The following ARHGEF26 variants were observed in gnomAD, a reference collection of about 807,000 sequenced individuals.
ARHGEF26 encodes the protein Rho guanine nucleotide exchange factor 26, also known as Rho guanine nucleotide exchange factor (GEF) 26.
A neutral mutation model predicts 89.4 loss-of-function variants in ARHGEF26; 59 were observed. The ratio of observed to expected loss-of-function variants is 0.66; its 90% CI spans 0.54 to 0.82. The LOEUF is 0.82. Ranked by LOEUF, ARHGEF26 falls within the 40% of genes least tolerant of loss-of-function variation. ARHGEF26 has a pLI of 0.00. For synonymous variants in ARHGEF26, 500 were observed against 428.4 expected, an observed-to-expected ratio of 1.17 and a Z score of -2.06; for missense variants, 1,234 against 1,085.6, an observed-to-expected ratio of 1.14 and a Z score of -1.92.
intron 11 of ARHGEF26, among the ~76,000 whole-genome samples, chr3:154,240,074 C>T (rs1238686429): frequency 6.6e-6 from 1 of 152,116 alleles, no homozygotes; most frequent in Non-Finnish European, 1.5e-5. Flanking sequence ...GACCAAGATG[C>T]ATGTAAGGAT....
At chr3:154,121,901 G>A in intron 1 of ARHGEF26, 41 bp from the exon 2 acceptor site, 1 of 1,483,224 alleles carries the variant, frequency 6.7e-7, no homozygotes, top group Non-Finnish European at 9.0e-7. Flanking sequence ...GGCGTCCCCG[G>A]TTGTCCAGAG....
chr3:154,147,325 C>T (rs150672142), intron 4 of ARHGEF26, among the ~76,000 whole-genome samples: 3,427 of 152,266 alleles, frequency 0.023, 120 homozygotes, highest in African/African-American at 0.079. Context: ...GCAGGAGAAT[C>T]GCTTGAACCC....
At chr3:154,138,437 T>A (rs530789277) in intron 4 of ARHGEF26, among the ~76,000 whole-genome samples, 1 of 152,166 alleles carries the variant, frequency 6.6e-6, no homozygotes, top group Non-Finnish European at 1.5e-5. Flanking sequence ...CTCCTAAAAA[T>A]ATAGACAGAG....
At chr3:154,167,620 A>G (rs1159284492) in intron 6 of ARHGEF26, among the ~76,000 whole-genome samples, 1 of 152,242 alleles carries the variant, frequency 6.6e-6, no homozygotes, top group Non-Finnish European at 1.5e-5. Context: ...ACATTTCTGC[A>G]CTGTAGTTAA....
chr3:154,224,960 A>G (rs1204710073), intron 10 of ARHGEF26, among the ~76,000 whole-genome samples: 1 of 151,868 alleles, frequency 6.6e-6, no homozygotes, highest in South Asian at 2.1e-4. Flanking sequence ...ATTGCATCAC[A>G]TTTCTGCATT....
chr3:154,216,518 T>TATGTC (rs1715757578), intron 9 of ARHGEF26, among the ~76,000 whole-genome samples: 1 of 144,900 alleles, frequency 6.9e-6, no homozygotes, highest in Non-Finnish European at 1.5e-5. Flanking sequence ...TATTTTTTTT[T>TATGTC]TATGTCTATA....
At chr3:154,241,229 C>A (rs971925523) in intron 12 of ARHGEF26, among the ~76,000 whole-genome samples, 1 of 152,080 alleles carries the variant, frequency 6.6e-6, no homozygotes, top group African/African-American at 2.4e-5. Context: ...GATGACTGAC[C>A]AATGTTTTTG....
At chr3:154,139,386 C>A (rs767126408) in intron 4 of ARHGEF26, among the ~76,000 whole-genome samples, 1 of 152,040 alleles carries the variant, frequency 6.6e-6, no homozygotes, top group East Asian at 1.9e-4. Context: ...ACTATGAAAT[C>A]GAATTAAATT....
chr3:154,191,458 T>G (rs755305701), intron 8 of ARHGEF26, 40 bp downstream of exon 8: 7 of 1,587,306 alleles, frequency 4.4e-6, no homozygotes, highest in Admixed American at 1.9e-5. Context: ...TGGATAGCTG[T>G]GCTTCTCTAA....
chr3:154,130,919 T>C (rs1718648434), intron 4 of ARHGEF26, among the ~76,000 whole-genome samples: 1 of 152,148 alleles, frequency 6.6e-6, no homozygotes, highest in African/African-American at 2.4e-5. Flanking sequence ...CGTGGGAATA[T>C]GTGTATGTAA....
intron 10 of ARHGEF26, among the ~76,000 whole-genome samples, chr3:154,219,855 A>G (rs1321361223): frequency 3.9e-5 from 6 of 151,992 alleles, no homozygotes; most frequent in African/African-American, 1.4e-4. Context: ...CGGAGCTTGC[A>G]GTGAGCCGAG....
intron 11 of ARHGEF26, among the ~76,000 whole-genome samples, chr3:154,227,205 C>T (rs1269055711): frequency 6.6e-6 from 1 of 152,006 alleles, no homozygotes; most frequent in Non-Finnish European, 1.5e-5. Context: ...ATTTTTCATA[C>T]TTAGGAAAAT....
In ARHGEF26 at chr3:154,235,126, A is replaced by C. The variant is rs185694641; in HGVS notation, c.2091-5244A>C. Among the ~76,000 whole-genome samples the C allele has an allele frequency of 2.5e-3, 381 of 151,768 alleles. 1 individual carries two copies. The highest frequency in any genetic ancestry group is 8.2e-3 in the African/African-American group (341 of 41,362). On this transcript the variant is annotated intron_variant, in intron 11 of 14. Coordinates refer to ENST00000465093, the MANE Select transcript of ARHGEF26 (RefSeq NM_015595.4). ...ATTTTTTTTCCGTGTTTTACAATCAACTCAACTATTTCTACTCCCTGCCAT... is the reference window on the plus strand; with the variant it reads ...ATTTTTTTTCCGTGTTTTACAATCACCTCAACTATTTCTACTCCCTGCCAT...
chr3:154,140,319 A>G (rs964964888), intron 4 of ARHGEF26, among the ~76,000 whole-genome samples: 4 of 152,232 alleles, frequency 2.6e-5, no homozygotes, highest in Admixed American at 1.3e-4. Flanking sequence ...CTTTGTAACA[A>G]GTCAGCTGAG....
At chr3:154,139,210 C>G (rs1024640778) in intron 4 of ARHGEF26, among the ~76,000 whole-genome samples, 2 of 152,126 alleles carry the variant, frequency 1.3e-5, no homozygotes, top group African/African-American at 4.8e-5. Context: ...GCTGGAACAT[C>G]TTGATCTCCT....
intron 9 of ARHGEF26, among the ~76,000 whole-genome samples, chr3:154,207,973 C>G (rs1359915872): frequency 6.6e-6 from 1 of 152,128 alleles, no homozygotes; most frequent in East Asian, 1.9e-4. Flanking sequence ...GGCCATTATC[C>G]TTAGCAAAGT....
Position 154,256,697 on chromosome 3 carries a change from C to G in ARHGEF26, c.*1224C>G. 1.5e-6 allele frequency: 2 copies of G among 1,313,150 alleles called. No homozygotes were observed. Among genetic ancestry groups the G allele is most frequent in the Non-Finnish European group, 1.9e-6 (2 of 1,035,146 alleles). The allele number at this position is 1,313,150 out of a possible 1,614,324, so 81.3% of individuals were successfully genotyped here. A position where few individuals can be genotyped will look rare whatever the true frequency, so the allele number is the denominator to read the frequency against. On this transcript the variant is annotated 3_prime_UTR_variant, in exon 15 of 15. Transcript: ENST00000465093. ...TAGCTGGAACACACTACAGTAATCT[C>G]AAGGAAGGGAAAATTAGGCCTTAAA... is the stretch of plus-strand genomic sequence containing the variant.
intron 9 of ARHGEF26, among the ~76,000 whole-genome samples, chr3:154,213,095 G>A (rs1715479697): frequency 6.6e-6 from 1 of 152,118 alleles, no homozygotes; most frequent in African/African-American, 2.4e-5. Flanking sequence ...ATTTCAGAGT[G>A]TCTATCTTAC....
chr3:154,133,856 A>G (rs774350220), intron 4 of ARHGEF26, among the ~76,000 whole-genome samples: 1 of 152,050 alleles, frequency 6.6e-6, no homozygotes, highest in Non-Finnish European at 1.5e-5. Flanking sequence ...CCATTTGTTT[A>G]TGTCATCCCT....
Sources: allele counts gnomAD v4.1 joint callset (sites outside exome capture counted in the v4.1 genomes callset), GRCh38; gene constraint gnomAD v4.1.1; transcripts MANE v1.5; gene names NCBI Gene and HGNC (gene_info 2026-07-23, HGNC 2026-07-21).